The following AGO3 variants were observed in gnomAD, a reference collection of about 807,000 sequenced individuals.
AGO3 encodes argonaute RISC catalytic component 3.
A neutral mutation model predicts 105.5 loss-of-function variants in AGO3; 16 were observed. The observed-to-expected ratio is 0.15, with a 90% confidence interval of 0.10 to 0.23. The LOEUF (loss-of-function observed/expected upper bound fraction) is 0.23. Among genes scored for constraint, AGO3 ranks in the 10% least tolerant of loss-of-function variants. AGO3 has a pLI of 1.00. For missense variants in AGO3, 534 were observed against 1,088.0 expected (o/e 0.49, Z 7.16); for synonymous variants, 340 against 367.3 (o/e 0.93, Z 0.85).
At chr1:35,976,845 A>G (rs963529953) in intron 5 of AGO3, among the ~76,000 whole-genome samples, 5 of 152,108 alleles carry the variant, frequency 3.3e-5, no homozygotes, top group African/African-American at 1.2e-4. Context: ...TTTTTGTACA[A>G]TCTTTGTCAA....
chr1:35,989,550 C>T (rs574623080), intron 5 of AGO3, among the ~76,000 whole-genome samples: 3 of 152,212 alleles, frequency 2.0e-5, no homozygotes, highest in East Asian at 3.9e-4. Flanking sequence ...TTGCAACTTG[C>T]ATTTTATTAT....
intron 2 of AGO3, among the ~76,000 whole-genome samples, chr1:35,961,028 C>G (rs574099922): frequency 2.0e-5 from 3 of 151,148 alleles, no homozygotes; most frequent in Non-Finnish European, 2.9e-5. Context: ...ACTGCAAGCT[C>G]CACCTCCCGG....
chr1:35,994,802 A>G (rs1269421910), intron 5 of AGO3, among the ~76,000 whole-genome samples: 1 of 152,224 alleles, frequency 6.6e-6, no homozygotes, highest in Non-Finnish European at 1.5e-5. Flanking sequence ...AAAGATGTGC[A>G]TGGCCCCCAC....
chr1:36,005,339 A>G (rs1265858341), intron 6 of AGO3, among the ~76,000 whole-genome samples: 3 of 152,220 alleles, frequency 2.0e-5, no homozygotes. Context: ...AGTTTAATAC[A>G]TTCTGCTTGC....
intron 1 of AGO3, among the ~76,000 whole-genome samples, chr1:35,934,711 C>T (rs886906659): frequency 6.6e-6 from 1 of 152,028 alleles, no homozygotes; most frequent in Admixed American, 6.6e-5. Flanking sequence ...AGTGCAGTGG[C>T]ATGATATTGG....
At chr1:35,988,256 A>C (rs1647299408) in intron 5 of AGO3, among the ~76,000 whole-genome samples, 1 of 152,208 alleles carries the variant, frequency 6.6e-6, no homozygotes, top group Non-Finnish European at 1.5e-5. Context: ...GATTACCACA[A>C]TCAAGGTAAT....
rs374551251 is a variant in AGO3 at position 36,031,347 on chromosome 1, C to T, written c.1592-2827C>T. 4.6e-5 allele frequency among the ~76,000 whole-genome samples: 7 copies of T among 152,124 alleles called. No individual in the cohort carries two copies. In the East Asian group the frequency reaches 9.7e-4, roughly 21 times the overall value. On this transcript the variant is annotated intron_variant, in intron 12 of 18. Transcript: ENST00000373191. ...ATGACCCACACTGTACCCTGCTTTT[C>T]CTTCATTTATGATTTCTGATCTGTA...
Position 36,026,435 on chromosome 1 carries a change from A to T in AGO3, c.1407-679A>T, listed in dbSNP as rs138445976. ...ATCTGTTTTTAAATTTTGTTTTTAT[A>T]TTTTAAAAAAATCCTCTGAGGGCAT... On this transcript the variant is annotated intron_variant, in intron 11 of 18. Coordinates refer to ENST00000373191, the MANE Select transcript of AGO3 (RefSeq NM_024852.4). Among the ~76,000 whole-genome samples, 441 of 152,208 alleles carry T rather than the reference A, an allele frequency of 2.9e-3. 3 individuals carry two copies. The highest frequency in any genetic ancestry group is 9.9e-3 in the African/African-American group (412 of 41,558).
At chr1:36,014,985 GCAAA>G (rs1036660144) in intron 11 of AGO3, among the ~76,000 whole-genome samples, 1 of 152,008 alleles carries the variant, frequency 6.6e-6, no homozygotes, top group Non-Finnish European at 1.5e-5. Flanking sequence ...CACACACCAA[GCAAA>G]CAATCAGTTC....
chr1:35,988,151 C>T (rs1227845802), intron 5 of AGO3, among the ~76,000 whole-genome samples: 1 of 151,922 alleles, frequency 6.6e-6, no homozygotes, highest in Non-Finnish European at 1.5e-5. Context: ...TTATTTTCTC[C>T]CCAGCTAATG....
chr1:35,972,490 G>A (rs11263845), intron 4 of AGO3, among the ~76,000 whole-genome samples: 1,879 of 152,134 alleles, frequency 0.012, 39 homozygotes, highest in African/African-American at 0.043. Flanking sequence ...TTTCTCTTAG[G>A]ATCTAAAAGT....
Position 35,986,271 on chromosome 1 carries a change from C to A in AGO3, c.658+12760C>A, listed in dbSNP as rs74316050. 7.1e-3 allele frequency among the ~76,000 whole-genome samples: 1,086 copies of A among 152,314 alleles called. 10 individuals carry two copies. Among genetic ancestry groups the A allele is most frequent in the African/African-American group, 0.025 (1,030 of 41,562 alleles). ...ATATGTAATAGCAGAAAATTGGAAA[C>A]AGCCTAAATTCCTGTCAGTAGCAGA... is the stretch of plus-strand genomic sequence containing the variant. On this transcript the variant is annotated intron_variant, in intron 5 of 18. Coordinates refer to ENST00000373191, the MANE Select transcript of AGO3 (RefSeq NM_024852.4).
intron 14 of AGO3, among the ~76,000 whole-genome samples, chr1:36,037,414 G>A (rs1451867932): frequency 2.6e-5 from 4 of 152,158 alleles, no homozygotes; most frequent in African/African-American, 7.2e-5. Context: ...CCAGCTATTC[G>A]GGAGGCTGAG....
intron 2 of AGO3, among the ~76,000 whole-genome samples, chr1:35,965,555 C>A (rs1646758076): frequency 6.9e-6 from 1 of 145,322 alleles, no homozygotes. Context: ...CAAAGGAAAA[C>A]TTAAAATGGC....
intron 5 of AGO3, among the ~76,000 whole-genome samples, chr1:35,975,283 G>A (rs1646936404): frequency 6.6e-6 from 1 of 152,078 alleles, no homozygotes; most frequent in African/African-American, 2.4e-5. Context: ...TCTTCAATCA[G>A]ATTTGCAAGA....
intron 2 of AGO3, among the ~76,000 whole-genome samples, chr1:35,960,833 C>T (rs1646659960): frequency 6.6e-6 from 1 of 152,050 alleles, no homozygotes; most frequent in African/African-American, 2.4e-5. Context: ...TTCCTTAAGG[C>T]TCTGAACTAA....
At chr1:36,020,292 G>A (rs1391109497) in intron 11 of AGO3, among the ~76,000 whole-genome samples, 1 of 152,174 alleles carries the variant, frequency 6.6e-6, no homozygotes, top group Non-Finnish European at 1.5e-5. Context: ...AGTTTGACCT[G>A]GACCATGGAG....
At chr1:36,037,385 G>A (rs182615810) in intron 14 of AGO3, among the ~76,000 whole-genome samples, 35 of 152,238 alleles carry the variant, frequency 2.3e-4, no homozygotes, top group Admixed American at 1.4e-3. Context: ...GCCTGTCGTG[G>A]TGGTGGGTGC....
intron 11 of AGO3, among the ~76,000 whole-genome samples, chr1:36,015,390 T>C (rs980655315): frequency 9.2e-5 from 14 of 152,144 alleles, no homozygotes; most frequent in East Asian, 3.9e-4. Context: ...TCCTTTTGGA[T>C]TTTTATGGAT....
Sources: gnomAD v4.1 joint callset for allele counts (sites outside exome capture counted in the v4.1 genomes callset) on GRCh38, gnomAD v4.1.1 for gene constraint, MANE v1.5 for transcripts, NCBI Gene and HGNC (gene_info 2026-07-23, HGNC 2026-07-21) for gene names.